The following POLR3A variants were observed in gnomAD, a reference collection of about 807,000 sequenced individuals.
POLR3A encodes the protein RNA polymerase III subunit A, also known as DNA-directed RNA polymerase III subunit RPC1.
A neutral mutation model predicts 152.8 loss-of-function variants in POLR3A; 112 were observed. The ratio of observed to expected loss-of-function variants is 0.73; its 90% CI spans 0.63 to 0.86. POLR3A has a LOEUF of 0.86. Among genes scored for constraint, POLR3A ranks in the 40% least tolerant of loss-of-function variants. POLR3A has a pLI of 0.00. For synonymous variants in POLR3A, 615 were observed against 652.1 expected, an observed-to-expected ratio of 0.94 and a Z score of 0.87; for missense variants, 1,385 against 1,743.1, an observed-to-expected ratio of 0.79 and a Z score of 3.66.
chr10:77,992,687 C>T (rs1267883123), intron 20 of POLR3A, among the ~76,000 whole-genome samples: 3 of 151,628 alleles, frequency 2.0e-5, no homozygotes, highest in Admixed American at 6.6e-5. Flanking sequence ...GTGATCTGCC[C>T]GATGTCTGGC....
intron 1 of POLR3A, 29 bp downstream of exon 1, chr10:78,029,335 G>A: frequency 6.2e-7 from 1 of 1,613,202 alleles, no homozygotes; most frequent in Non-Finnish European, 8.5e-7. Flanking sequence ...CTATTTCTCA[G>A]CCCTTTGGCC....
chr10:77,980,148 A>G lies in POLR3A; in HGVS notation c.4017T>C (p.Ser1339=). 6.2e-7 allele frequency: 1 copy of G among 1,614,016 alleles called. No individual in the cohort carries two copies. Among genetic ancestry groups the G allele is most frequent in the Non-Finnish European group, 8.5e-7 (1 of 1,179,852 alleles). The change falls in exon 30 of 31, where the codon TCT becomes TCC. Residue 1339 remains serine (S), a synonymous_variant. Transcript: ENST00000372371. ...FDAAYFGQKD[S]VCGVSECIIM... ...TAGAAACATCAAACCTACCACACAC[A>G]GAGTCCTTCTGCCCGAAGTAGGCAG... is the stretch of plus-strand genomic sequence containing the variant.
At chr10:77,997,429 T>C (rs1300207591) in intron 19 of POLR3A, among the ~76,000 whole-genome samples, 1 of 152,072 alleles carries the variant, frequency 6.6e-6, no homozygotes, top group Non-Finnish European at 1.5e-5. Flanking sequence ...CAGCCCAAAA[T>C]CTCCTCAAGC....
At chr10:77,977,765 C>T in intron 30 of POLR3A, 139 bp from the exon 31 acceptor site, 1 of 742,480 alleles carries the variant, frequency 1.3e-6, no homozygotes, top group Admixed American at 2.0e-5. Flanking sequence ...TTTGGCAAAT[C>T]CCTTTCCTTC....
intron 10 of POLR3A, among the ~76,000 whole-genome samples, chr10:78,014,529 G>T (rs1847500711): frequency 6.6e-6 from 1 of 151,866 alleles, no homozygotes; most frequent in South Asian, 2.1e-4. Flanking sequence ...CAATTCTCCT[G>T]CCTCAGCCTC....
intron 15 of POLR3A, 36 bp downstream of exon 15, chr10:78,007,666 C>T: frequency 1.9e-6 from 3 of 1,590,592 alleles, no homozygotes; most frequent in South Asian, 1.1e-5. Context: ...CTAACAATTG[C>T]AGCTTTAACT....
rs751268930 is a variant in POLR3A at position 77,990,617 on chromosome 10, A to ATT, written c.2901+435_2901+436dup. On this transcript the variant is annotated intron_variant, in intron 21 of 30. Transcript: ENST00000372371. Reference sequence around the variant, plus strand: ...GGCCATTTTTGAATGACTGCCTGTCATTTTTTTTTTTTTTTTTGAGATGGA... The same window carrying ATT: ...GGCCATTTTTGAATGACTGCCTGTCATTTTTTTTTTTTTTTTTTTGAGATGGA... Among the ~76,000 whole-genome samples, 343 of 138,072 alleles carry ATT rather than the reference A, an allele frequency of 2.5e-3. 2 individuals carry two copies. The highest frequency in any genetic ancestry group is 8.5e-3 in the African/African-American group (312 of 36,848). The allele number at this position is 138,072 out of a possible 152,430, so 90.6% of individuals were successfully genotyped here.
chr10:78,009,438 A>C (rs1353469469), intron 14 of POLR3A, 99 bp downstream of exon 14: 1 of 1,532,842 alleles, frequency 6.5e-7, no homozygotes, highest in African/African-American at 1.4e-5. Flanking sequence ...AGAAACAATG[A>C]ATTTGCTTGC....
At position 78,012,360 on chromosome 10, in the gene POLR3A, G is replaced by A. The variant is rs552277531; in HGVS notation, c.1572+1290C>T. ...GCCTGGGCAACAAGAGTAAAACTCC[G>A]TCTCAAACAAACAAACAAAAAAAAA... On this transcript the variant is annotated intron_variant, in intron 11 of 30. Transcript: ENST00000372371. Among the ~76,000 whole-genome samples the A allele has an allele frequency of 2.6e-3, 388 of 148,684 alleles. 5 individuals carry two copies. The highest frequency in any genetic ancestry group is 8.8e-3 in the African/African-American group (354 of 40,262).
intron 11 of POLR3A, chr10:78,013,184 A>G (rs1404774751): frequency 4.1e-6 from 1 of 244,170 alleles, no homozygotes; most frequent in African/African-American, 2.3e-5. Flanking sequence ...CTCTAAGAAG[A>G]CGAAGTATGT....
At chr10:78,024,406 T>C in intron 5 of POLR3A, 143 bp downstream of exon 5, 2 of 701,744 alleles carry the variant, frequency 2.9e-6, no homozygotes, top group Non-Finnish European at 5.0e-6. Flanking sequence ...ATCGGAGAGC[T>C]GTCGAACCTA....
At chr10:77,982,535 G>T in intron 27 of POLR3A, 118 bp downstream of exon 27, 1 of 1,005,846 alleles carries the variant, frequency 9.9e-7, no homozygotes. Flanking sequence ...ACTCCTTGGG[G>T]ATAAGGCCAA....
At position 78,017,632 on chromosome 10, in the gene POLR3A, A is replaced by G; in HGVS notation, c.1374T>C (p.Asp458=). Residue 458 remains aspartate, a synonymous_variant, in exon 10 of 31, where the codon GAT becomes GAC. Coordinates refer to ENST00000372371, the MANE Select transcript of POLR3A (RefSeq NM_007055.4). ...DIVERHLIDG[D]VVLFNRQPSL... ...AGGGCTGCCGATTGAACAGCACCAC[A>G]TCTCCATCGATGAGGTGTCTCTCTA... The G allele has an allele frequency of 1.2e-6, 2 of 1,614,104 alleles. No homozygotes were observed. Among genetic ancestry groups the G allele is most frequent in the African/African-American group, 1.3e-5 (1 of 75,038 alleles).
chr10:77,991,113 T>C lies in POLR3A; in HGVS notation c.2842A>G (p.Thr948Ala), dbSNP rs779484705. 6.2e-7 allele frequency: 1 copy of C among 1,613,998 alleles called. No homozygotes were observed. The highest frequency in any genetic ancestry group is 8.5e-7 in the Non-Finnish European group (1 of 1,179,848). ...CTCTTCTTCATGATGGACTCTGTGG[T>C]CAGGATCAGCTCGTTTTTGCTGAGA... is the stretch of plus-strand genomic sequence containing the variant. Reference protein sequence around the residue: ...PALSKNELILTTESIMKKSEF... With the variant: ...PALSKNELILATESIMKKSEF... The change falls in exon 21 of 31, where the codon ACC becomes GCC. Residue 948 changes from threonine (T) to alanine (A), a missense_variant. Transcript: ENST00000372371.
In POLR3A at chr10:78,023,669, T is replaced by C. The variant is rs577399917; in HGVS notation, c.645+880A>G. Among the ~76,000 whole-genome samples the C allele has an allele frequency of 5.8e-4, 88 of 151,696 alleles. No homozygotes were observed. The South Asian group carries it at 9.6e-3, about 17-fold the overall frequency. On this transcript the variant is annotated intron_variant, in intron 5 of 30. Transcript: ENST00000372371. Reference sequence around the variant, plus strand: ...GGTGTGTGCCTGTAGTCCCAGCTACTTGGGAGGCTGACATGCAAGGATCAC... The same window carrying C: ...GGTGTGTGCCTGTAGTCCCAGCTACCTGGGAGGCTGACATGCAAGGATCAC...
At chr10:78,017,505 C>T in intron 10 of POLR3A, 70 bp downstream of exon 10, 1 of 1,425,164 alleles carries the variant, frequency 7.0e-7, no homozygotes, top group South Asian at 1.2e-5. Flanking sequence ...TTTAGAAGTC[C>T]ACTGTTTAGC....
intron 21 of POLR3A, among the ~76,000 whole-genome samples, chr10:77,987,458 G>T (rs186215181): frequency 2.6e-5 from 4 of 152,056 alleles, no homozygotes; most frequent in Non-Finnish European, 5.9e-5. Flanking sequence ...GGCAGACTGC[G>T]TACTGTGGTG....
intron 24 of POLR3A, 50 bp downstream of exon 24, chr10:77,985,118 TCA>T (rs1847185002): frequency 6.9e-7 from 1 of 1,445,782 alleles, no homozygotes; most frequent in African/African-American, 1.4e-5. Flanking sequence ...TCATTGTTTC[TCA>T]GGAAACAGGA....
intron 21 of POLR3A, among the ~76,000 whole-genome samples, chr10:77,986,437 A>G (rs1038348100): frequency 5.3e-5 from 8 of 152,174 alleles, no homozygotes; most frequent in African/African-American, 1.4e-4. Context: ...TACAGAGCCC[A>G]CAAAGTGCGT....
Sources: allele counts gnomAD v4.1 joint callset (sites outside exome capture counted in the v4.1 genomes callset), GRCh38; gene constraint gnomAD v4.1.1; transcripts MANE v1.5; gene names NCBI Gene and HGNC (gene_info 2026-07-23, HGNC 2026-07-21).